Variants in PCDH15 observed in about 807,000 individuals in gnomAD.
PCDH15 encodes the protein protocadherin-15.
Under a neutral mutation model 178.5 loss-of-function variants are expected in PCDH15, and 129 were observed. That is an observed-to-expected ratio of 0.72 (90% confidence interval 0.63 to 0.84). PCDH15 has a LOEUF of 0.84. PCDH15 is among the 40% of genes least tolerant of loss of function. PCDH15 has a pLI of 0.00. For synonymous variants in PCDH15, 800 were observed against 732.0 expected (o/e 1.09, Z -1.50); for missense variants, 2,230 against 2,099.9 (o/e 1.06, Z -1.21).
chr10:55,461,250 G>A (rs1292174622), intron 2 of PCDH15, among the ~76,000 whole-genome samples: 2 of 152,062 alleles, frequency 1.3e-5, no homozygotes, highest in African/African-American at 4.8e-5. Flanking sequence ...TCAATTCAGG[G>A]AGCCAGTTCA....
At chr10:53,991,088 C>A (rs1439140960) in intron 21 of PCDH15, among the ~76,000 whole-genome samples, 1 of 152,020 alleles carries the variant, frequency 6.6e-6, no homozygotes, top group African/African-American at 2.4e-5. Flanking sequence ...ATGGCCGAAC[C>A]CCCCCCACCC....
At chr10:53,858,515 A>C (rs545979322) in intron 27 of PCDH15, among the ~76,000 whole-genome samples, 13 of 152,288 alleles carry the variant, frequency 8.5e-5, no homozygotes, top group African/African-American at 2.9e-4. Context: ...GATTTCCTAG[A>C]TATTTCAGTT....
chr10:54,918,091 A>G (rs1483797058), intron 2 of PCDH15, among the ~76,000 whole-genome samples: 1 of 150,744 alleles, frequency 6.6e-6, no homozygotes, highest in East Asian at 2.0e-4. Context: ...TCATAACCCA[A>G]ACAATAGCTA....
At chr10:55,435,740 G>T (rs549795359) in intron 2 of PCDH15, among the ~76,000 whole-genome samples, 128 of 152,238 alleles carry the variant, frequency 8.4e-4, no homozygotes, top group African/African-American at 3.0e-3. Flanking sequence ...AAAATTTATA[G>T]AACTTGGGAT....
chr10:55,042,774 C>T (rs927605908), intron 2 of PCDH15, among the ~76,000 whole-genome samples: 3 of 151,984 alleles, frequency 2.0e-5, no homozygotes, highest in East Asian at 1.9e-4. Context: ...GAGAAGAGGC[C>T]GCCTATTTTT....
At chr10:54,537,859 G>A (rs1003802239) in intron 2 of PCDH15, among the ~76,000 whole-genome samples, 2 of 152,058 alleles carry the variant, frequency 1.3e-5, no homozygotes, top group African/African-American at 4.8e-5. Context: ...GCGTTTCTCT[G>A]ATGATTAGTG....
intron 15 of PCDH15, among the ~76,000 whole-genome samples, chr10:54,112,383 T>C (rs1373419909): frequency 3.3e-5 from 5 of 151,954 alleles, no homozygotes; most frequent in Admixed American, 3.3e-4. Flanking sequence ...TGTCTGCAGA[T>C]ATTGCCAGTT....
chr10:55,579,062 T>C (rs1842553701), intron 2 of PCDH15, among the ~76,000 whole-genome samples: 4 of 152,220 alleles, frequency 2.6e-5, no homozygotes, highest in African/African-American at 7.2e-5. Context: ...ATGTTTATTT[T>C]TTCAAACTTT....
At chr10:53,837,273 A>T (rs1424543032) in intron 29 of PCDH15, among the ~76,000 whole-genome samples, 1 of 152,116 alleles carries the variant, frequency 6.6e-6, no homozygotes, top group Admixed American at 6.5e-5. Context: ...ACTCACAAAA[A>T]AATGCAGCTC....
chr10:54,360,431 G>A (rs1342511903), intron 5 of PCDH15, among the ~76,000 whole-genome samples: 1 of 151,976 alleles, frequency 6.6e-6, no homozygotes, highest in Non-Finnish European at 1.5e-5. Context: ...TCAGTGATTG[G>A]CTTTCTGTGT....
intron 8 of PCDH15, among the ~76,000 whole-genome samples, chr10:54,239,287 A>G (rs756794399): frequency 3.9e-5 from 6 of 152,008 alleles, no homozygotes; most frequent in Non-Finnish European, 8.8e-5. Context: ...GAAATGAGCA[A>G]CATAATTTAT....
intron 3 of PCDH15, among the ~76,000 whole-genome samples, chr10:54,865,145 C>T (rs1953914933): frequency 6.6e-6 from 1 of 152,124 alleles, no homozygotes; most frequent in East Asian, 1.9e-4. Context: ...GAGATTAACA[C>T]TTGAGTCAGT....
Position 53,959,952 on chromosome 10 carries a change from G to A in PCDH15, c.3010-108C>T, listed in dbSNP as rs1184426710. 3.5e-6 allele frequency: 3 copies of A among 856,304 alleles called. No individual in the cohort carries two copies. The East Asian group carries it at 7.9e-5, about 23-fold the overall frequency. 53.0% of individuals were successfully genotyped at this position (856,304 alleles called of 1,614,324 possible). ...TATTGGATTGCCTGGTTCCAGAAGG[G>A]GAAGCAATGATCATTTCCTCACTGC... On this transcript the variant is annotated intron_variant, in intron 22 of 37. Transcript: ENST00000644397.
Position 54,195,608 on chromosome 10 carries a change from T to A in PCDH15, c.1305+75A>T, listed in dbSNP as rs1360013234. The A allele has an allele frequency of 4.0e-6, 5 of 1,264,188 alleles. No homozygotes were observed. In the African/African-American group the frequency reaches 7.5e-5, roughly 19 times the overall value. The allele number at this position is 1,264,188 out of a possible 1,614,324, so 78.3% of individuals were successfully genotyped here. On this transcript the variant is annotated intron_variant, in intron 11 of 37. Coordinates refer to ENST00000644397, the MANE Select transcript of PCDH15 (RefSeq NM_001384140.1). ...CTCTTCTCTAGCTTATGTAGCCATA[T>A]CTTTGTCATATTTCCCATTAATGGA...
intron 3 of PCDH15, among the ~76,000 whole-genome samples, chr10:54,494,166 G>C (rs1004459873): frequency 6.7e-6 from 1 of 149,080 alleles, no homozygotes; most frequent in Non-Finnish European, 1.5e-5. Context: ...CAGCACACCA[G>C]CATGGCACAT....
At chr10:54,167,137 C>T (rs894052426) in intron 13 of PCDH15, among the ~76,000 whole-genome samples, 8 of 152,138 alleles carry the variant, frequency 5.3e-5, no homozygotes, top group Admixed American at 1.3e-4. Context: ...AATTTGGTGC[C>T]GTGACTCGGA....
chr10:54,806,070 TG>T (rs1952773060), upstream of PCDH15, among the ~76,000 whole-genome samples: 1 of 152,196 alleles, frequency 6.6e-6, no homozygotes, highest in South Asian at 2.1e-4. Flanking sequence ...AGATAATATT[TG>T]TAAAATACTT....
intron 1 of PCDH15, among the ~76,000 whole-genome samples, chr10:54,779,514 G>GTATATATATATACACACATATATGTGTT (rs1566223646): frequency 1.5e-5 from 2 of 136,606 alleles, no homozygotes; most frequent in Non-Finnish European, 3.2e-5. Flanking sequence ...ATATATGTGT[G>GTATATATATATACACACATATATGTGTT]TATATATATA....
intron 3 of PCDH15, among the ~76,000 whole-genome samples, chr10:54,440,729 T>A (rs1240747374): frequency 2.0e-5 from 3 of 151,972 alleles, no homozygotes; most frequent in African/African-American, 7.2e-5. Context: ...TTTATCTACC[T>A]ATTTATTACA....
Sources: allele counts gnomAD v4.1 joint callset (sites outside exome capture counted in the v4.1 genomes callset), GRCh38; gene constraint gnomAD v4.1.1; transcripts MANE v1.5; gene names NCBI Gene and HGNC (gene_info 2026-07-23, HGNC 2026-07-21).